XYLT1: variants seen among roughly 807,000 people sequenced by gnomAD.
XYLT1 encodes the protein beta-D-xylosyltransferase 1.
XYLT1 carries 36 observed loss-of-function variants against 91.3 expected under a neutral mutation model. The observed-to-expected ratio is 0.39, with a 90% confidence interval of 0.30 to 0.52. The LOEUF is 0.52. Ranked by LOEUF, XYLT1 falls within the 20% of genes least tolerant of loss-of-function variation. The pLI is 0.68. For synonymous variants in XYLT1, 588 were observed against 532.0 expected (o/e 1.11, Z -1.45); for missense variants, 1,242 against 1,284.5 (o/e 0.97, Z 0.51).
chr16:17,317,023 C>T (rs2034645344), intron 2 of XYLT1, among the ~76,000 whole-genome samples: 1 of 150,086 alleles, frequency 6.7e-6, no homozygotes, highest in Admixed American at 6.6e-5. Flanking sequence ...GGAGTTTCAC[C>T]GTGTTAGCCA....
In XYLT1 at chr16:17,289,744, A is replaced by T. The variant is rs577229392; in HGVS notation, c.403-30246T>A. On this transcript the variant is annotated intron_variant, in intron 2 of 11. Transcript: ENST00000261381. ...GAAAATTTGACTGGCTCCAAAAAAA[A>T]GTTTGCAAAAAACCAAAATGAAAAC... is the stretch of plus-strand genomic sequence containing the variant. 2.9e-3 allele frequency among the ~76,000 whole-genome samples: 445 copies of T among 152,338 alleles called. 4 individuals are homozygous for T. Among genetic ancestry groups the T allele is most frequent in the African/African-American group, 0.01 (420 of 41,588 alleles).
At chr16:17,357,562 G>A (rs114159504) in intron 2 of XYLT1, among the ~76,000 whole-genome samples, 1,693 of 152,268 alleles carry the variant, frequency 0.011, 39 homozygotes, top group African/African-American at 0.038. Context: ...GGCCTAACAC[G>A]CAAGCAGATG....
At chr16:17,144,185 T>A (rs1376525557) in intron 6 of XYLT1, among the ~76,000 whole-genome samples, 1 of 152,162 alleles carries the variant, frequency 6.6e-6, no homozygotes, top group Non-Finnish European at 1.5e-5. Flanking sequence ...GTTGTTCTTG[T>A]TTTTGCTCAT....
At chr16:17,234,557 AC>A (rs2033216429) in intron 3 of XYLT1, among the ~76,000 whole-genome samples, 1 of 151,966 alleles carries the variant, frequency 6.6e-6, no homozygotes, top group Non-Finnish European at 1.5e-5. Context: ...AAAAACAACA[AC>A]AAAAAACTAA....
At chr16:17,177,976 T>C (rs1477348098) in intron 5 of XYLT1, among the ~76,000 whole-genome samples, 1 of 152,188 alleles carries the variant, frequency 6.6e-6, no homozygotes, top group African/African-American at 2.4e-5. Context: ...CAGGATTCAA[T>C]GACATTAACC....
chr16:17,361,477 C>A (rs542799192), intron 1 of XYLT1, among the ~76,000 whole-genome samples: 4 of 152,324 alleles, frequency 2.6e-5, no homozygotes, highest in African/African-American at 7.2e-5. Flanking sequence ...GTCACAAACA[C>A]TCACAGACTC....
chr16:17,169,619 C>T (rs900018316), intron 5 of XYLT1, among the ~76,000 whole-genome samples: 6 of 147,170 alleles, frequency 4.1e-5, no homozygotes, highest in African/African-American at 1.2e-4. Context: ...CAGGACGCCA[C>T]CGGAATCATG....
At chr16:17,206,315 G>A (rs1054200840) in intron 3 of XYLT1, among the ~76,000 whole-genome samples, 2 of 152,040 alleles carry the variant, frequency 1.3e-5, no homozygotes, top group Non-Finnish European at 2.9e-5. Flanking sequence ...TTATCCTAGT[G>A]GGAAATTTTA....
chr16:17,310,813 C>A (rs1341502908), intron 2 of XYLT1, among the ~76,000 whole-genome samples: 1 of 152,140 alleles, frequency 6.6e-6, no homozygotes, highest in Non-Finnish European at 1.5e-5. Flanking sequence ...CGTGCCACTG[C>A]ACTCTAGCCT....
At chr16:17,221,209 G>A (rs1289474844) in intron 3 of XYLT1, among the ~76,000 whole-genome samples, 1 of 152,028 alleles carries the variant, frequency 6.6e-6, no homozygotes, top group Non-Finnish European at 1.5e-5. Flanking sequence ...TAAAGCTACG[G>A]GAAGCTGACT....
chr16:17,407,248 C>T (rs565270984), intron 1 of XYLT1, among the ~76,000 whole-genome samples: 6 of 152,298 alleles, frequency 3.9e-5, no homozygotes, highest in African/African-American at 1.4e-4. Context: ...ATCTGCCTGC[C>T]TCGGCCTCCC....
chr16:17,416,257 T>C (rs1204458476), intron 1 of XYLT1, among the ~76,000 whole-genome samples: 1 of 152,208 alleles, frequency 6.6e-6, no homozygotes, highest in Non-Finnish European at 1.5e-5. Context: ...CGGGATAAAC[T>C]GTGAGACTCC....
chr16:17,344,199 A>C (rs1418724680), intron 2 of XYLT1, among the ~76,000 whole-genome samples: 2 of 152,074 alleles, frequency 1.3e-5, no homozygotes, highest in Non-Finnish European at 2.9e-5. Context: ...ACAACAAAGA[A>C]TAATCCTGTC....
At chr16:17,337,965 C>T (rs1567381143) in intron 2 of XYLT1, among the ~76,000 whole-genome samples, 1 of 151,932 alleles carries the variant, frequency 6.6e-6, no homozygotes, top group East Asian at 1.9e-4. Context: ...TTAGTAGAAA[C>T]GGGGTTTCGC....
At chr16:17,368,882 T>C (rs1398901133) in intron 1 of XYLT1, among the ~76,000 whole-genome samples, 5 of 151,876 alleles carry the variant, frequency 3.3e-5, no homozygotes, top group East Asian at 1.9e-4. Context: ...GTGTGCCCAG[T>C]TTGCTTTTTC....
chr16:17,283,115 G>T (rs1490967669), intron 2 of XYLT1, among the ~76,000 whole-genome samples: 1 of 152,088 alleles, frequency 6.6e-6, no homozygotes, highest in Non-Finnish European at 1.5e-5. Context: ...GGAAATGAAG[G>T]GGCACATCCC....
intron 10 of XYLT1, among the ~76,000 whole-genome samples, chr16:17,119,956 C>T (rs2029988556): frequency 6.6e-6 from 1 of 152,170 alleles, no homozygotes; most frequent in Non-Finnish European, 1.5e-5. Flanking sequence ...ATGTGTCTTG[C>T]TTTCAGTTTT....
At chr16:17,302,600 T>C (rs1002075434) in intron 2 of XYLT1, among the ~76,000 whole-genome samples, 6 of 152,198 alleles carry the variant, frequency 3.9e-5, no homozygotes, top group African/African-American at 1.4e-4. Flanking sequence ...TTCCCCACCA[T>C]GGTGTAGGTG....
rs552105847 is a variant in XYLT1 at position 17,469,585 on chromosome 16, C to G, written c.363+849G>C. Among the ~76,000 whole-genome samples, 55 of 152,284 alleles carry G rather than the reference C, an allele frequency of 3.6e-4. 1 individual carries two copies. The highest frequency in any genetic ancestry group is 9.8e-4 in the Admixed American group (15 of 15,306). On this transcript the variant is annotated intron_variant, in intron 1 of 11. Coordinates refer to ENST00000261381, the MANE Select transcript of XYLT1 (RefSeq NM_022166.4). ...TCCCCACCCAGCCACCCAGATGGCC[C>G]CAGATCTGCGGAAAAAACAGTTTCA...
Sources: allele counts gnomAD v4.1 joint callset (sites outside exome capture counted in the v4.1 genomes callset), GRCh38; gene constraint gnomAD v4.1.1; transcripts MANE v1.5; gene names NCBI Gene and HGNC (gene_info 2026-07-23, HGNC 2026-07-21).